STPG2: variants seen among roughly 807,000 people sequenced by gnomAD.
STPG2 encodes sperm tail PG-rich repeat containing 2, also known as sperm-tail PG-rich repeat-containing protein 2.
In STPG2, 56 loss-of-function variants were observed where a neutral mutation model predicts 54.2. The observed-to-expected ratio is 1.03, with a 90% CI of 0.83 to 1.29. The LOEUF (loss-of-function observed/expected upper bound fraction) is 1.29. STPG2 is among the 50% of genes most tolerant of loss of function. STPG2 has a pLI of 0.00. For missense variants in STPG2, 596 were observed against 544.9 expected, an observed-to-expected ratio of 1.09 and a Z score of -0.93; for synonymous variants, 200 against 181.8, an observed-to-expected ratio of 1.10 and a Z score of -0.81.
intron 10 of STPG2, among the ~76,000 whole-genome samples, chr4:97,585,197 G>A (rs1344608619): frequency 6.6e-6 from 1 of 150,622 alleles, no homozygotes; most frequent in Non-Finnish European, 1.5e-5. Context: ...TTTCTACCAG[G>A]GATGCAGGGA....
intron 10 of STPG2, among the ~76,000 whole-genome samples, chr4:97,690,505 TATA>T (rs1184087970): frequency 6.6e-6 from 1 of 151,976 alleles, no homozygotes; most frequent in East Asian, 1.9e-4. Flanking sequence ...ATTCCTGATG[TATA>T]ATGATTATAC....
chr4:97,738,449 G>T (rs1380138437), intron 9 of STPG2, among the ~76,000 whole-genome samples: 1 of 152,156 alleles, frequency 6.6e-6, no homozygotes, highest in Non-Finnish European at 1.5e-5. Context: ...CAATCAGAGT[G>T]CTGTATTCAG....
chr4:97,789,089 A>G (rs1035830715), intron 9 of STPG2, among the ~76,000 whole-genome samples: 4 of 151,996 alleles, frequency 2.6e-5, no homozygotes, highest in African/African-American at 9.7e-5. Flanking sequence ...TGAAGTTAAG[A>G]CAGACCCAGG....
chr4:97,446,695 C>A (rs943015695), intron 4 of STPG2, among the ~76,000 whole-genome samples: 3 of 152,156 alleles, frequency 2.0e-5, no homozygotes, highest in Non-Finnish European at 2.9e-5. Context: ...TAAGTGTTGG[C>A]AGTACCTCTT....
chr4:97,554,901 A>G (rs1314879986), downstream of STPG2, among the ~76,000 whole-genome samples: 1 of 152,144 alleles, frequency 6.6e-6, no homozygotes, highest in Non-Finnish European at 1.5e-5. Context: ...AGAATATGTC[A>G]CTTGAAATAG....
In STPG2 at chr4:98,128,101, A is replaced by C. The variant is rs539900738; in HGVS notation, c.387+327T>G. Among the ~76,000 whole-genome samples, 7 of 152,304 alleles carry C rather than the reference A, an allele frequency of 4.6e-5. No individual in the cohort carries two copies. The South Asian group carries it at 1.4e-3, about 32-fold the overall frequency. On this transcript the variant is annotated intron_variant, in intron 3 of 10. Transcript: ENST00000295268. Reference sequence around the variant, plus strand: ...GCCTGGCCTACAAAAACTTCCAAGCATAATTCCCCATCCTCTTCTGCCAGC... The same window carrying C: ...GCCTGGCCTACAAAAACTTCCAAGCCTAATTCCCCATCCTCTTCTGCCAGC...
intron 4 of STPG2, among the ~76,000 whole-genome samples, chr4:97,515,258 A>T (rs2148843453): frequency 6.6e-6 from 1 of 152,200 alleles, no homozygotes; most frequent in East Asian, 1.9e-4. Flanking sequence ...ATTACAAGTA[A>T]GTCATTTTTC....
At chr4:98,068,450 G>C (rs1480840769) in intron 5 of STPG2, among the ~76,000 whole-genome samples, 9 of 152,108 alleles carry the variant, frequency 5.9e-5, no homozygotes, top group Non-Finnish European at 1.3e-4. Context: ...GGATTTGTTA[G>C]AAGCTTATTA....
intron 5 of STPG2, among the ~76,000 whole-genome samples, chr4:98,104,645 C>A (rs554540016): frequency 6.6e-6 from 1 of 152,120 alleles, no homozygotes; most frequent in Non-Finnish European, 1.5e-5. Context: ...TTTTATCAGA[C>A]TTGTTTTCAC....
In STPG2 at chr4:98,045,854, G is replaced by C. The variant is rs541083524; in HGVS notation, c.612+60099C>G. Among the ~76,000 whole-genome samples, 320 of 151,928 alleles carry C rather than the reference G, an allele frequency of 2.1e-3. 1 individual carries two copies. Among genetic ancestry groups the C allele is most frequent in the Admixed American group, 4.9e-3 (75 of 15,238 alleles). On this transcript the variant is annotated intron_variant, in intron 5 of 10. Transcript: ENST00000295268. ...TGCCTCTTTGCATTCATTTTATTTG[G>C]TGTCCTTTGGGCTTCCTGGAGCTGG... is the stretch of plus-strand genomic sequence containing the variant.
At chr4:97,634,269 G>A (rs993894556) in intron 10 of STPG2, among the ~76,000 whole-genome samples, 3 of 152,030 alleles carry the variant, frequency 2.0e-5, no homozygotes, top group African/African-American at 7.2e-5. Context: ...CAACAGACCT[G>A]CAGCTGAGGG....
intron 8 of STPG2, among the ~76,000 whole-genome samples, chr4:97,907,180 A>C (rs1731465276): frequency 6.6e-6 from 1 of 151,958 alleles, no homozygotes; most frequent in African/African-American, 2.4e-5. Flanking sequence ...CTCAGGATAC[A>C]AAATCAATGT....
At chr4:97,905,214 G>C (rs28807700) in intron 8 of STPG2, among the ~76,000 whole-genome samples, 1 of 151,610 alleles carries the variant, frequency 6.6e-6, no homozygotes, top group Non-Finnish European at 1.5e-5. Context: ...GAGAAAGGTC[G>C]GGTTACCCTC....
intron 9 of STPG2, among the ~76,000 whole-genome samples, chr4:97,749,860 T>A (rs929394312): frequency 2.6e-5 from 4 of 151,810 alleles, no homozygotes; most frequent in Non-Finnish European, 5.9e-5. Flanking sequence ...AATTTTGAAT[T>A]ATGGAATGTG....
At chr4:97,522,301 T>A (rs1307566303) in intron 4 of STPG2, among the ~76,000 whole-genome samples, 1 of 152,052 alleles carries the variant, frequency 6.6e-6, no homozygotes, top group Non-Finnish European at 1.5e-5. Flanking sequence ...AGTTTACATG[T>A]GTTTTTCTTC....
chr4:97,797,136 G>A (rs897381979), intron 9 of STPG2, among the ~76,000 whole-genome samples: 7 of 152,312 alleles, frequency 4.6e-5, no homozygotes, highest in African/African-American at 7.2e-5. Flanking sequence ...TCTGCAAACA[G>A]AGACAATTTG....
At chr4:97,946,407 A>G (rs1039744920) in intron 7 of STPG2, among the ~76,000 whole-genome samples, 2 of 151,748 alleles carry the variant, frequency 1.3e-5, no homozygotes, top group African/African-American at 4.8e-5. Flanking sequence ...AATTAGGTCT[A>G]ATTTGTTTAT....
Position 97,937,359 on chromosome 4 carries a change from C to T in STPG2, c.1044+6538G>A, listed in dbSNP as rs78314477. Among the ~76,000 whole-genome samples, 252 of 152,088 alleles carry T rather than the reference C, an allele frequency of 1.7e-3. 15 individuals are homozygous for T. In the East Asian group the frequency reaches 0.037, roughly 22 times the overall value. On this transcript the variant is annotated intron_variant, in intron 8 of 10. Coordinates refer to ENST00000295268, the MANE Select transcript of STPG2 (RefSeq NM_174952.3). ...CCTCAGCAAAGTATGTTATTATCCACCTTTCTAAAGGCTACTTCTGTAATT... is the reference window on the plus strand; with the variant it reads ...CCTCAGCAAAGTATGTTATTATCCATCTTTCTAAAGGCTACTTCTGTAATT...
At chr4:97,453,274 T>G (rs923145070) in intron 4 of STPG2, among the ~76,000 whole-genome samples, 4 of 152,212 alleles carry the variant, frequency 2.6e-5, no homozygotes, top group Non-Finnish European at 1.5e-5. Flanking sequence ...GACATCCATG[T>G]CGGCACTGGA....
Sources: allele counts gnomAD v4.1 joint callset (sites outside exome capture counted in the v4.1 genomes callset), GRCh38; gene constraint gnomAD v4.1.1; transcripts MANE v1.5; gene names NCBI Gene and HGNC (gene_info 2026-07-23, HGNC 2026-07-21).